The following ITPKC variants were observed in gnomAD, a reference collection of about 807,000 sequenced individuals.
ITPKC encodes the protein IP3 3-kinase C.
ITPKC carries 33 observed loss-of-function variants against 67.1 expected under a neutral mutation model. That is an observed-to-expected ratio of 0.49 (90% confidence interval 0.37 to 0.66). The LOEUF (loss-of-function observed/expected upper bound fraction) is 0.66, where lower values mean the gene tolerates loss of function less well. ITPKC is among the 30% of genes least tolerant of loss of function. The probability of loss-of-function intolerance (pLI) is 0.00; values close to 1 mark genes in which losing one functional copy is unlikely to be tolerated. For missense variants in ITPKC, 820 were observed against 892.1 expected (o/e 0.92, Z 1.03); for synonymous variants, 341 against 359.8 (o/e 0.95, Z 0.59).
At position 40,729,394 on chromosome 19, in the gene ITPKC, T is replaced by A; in HGVS notation, c.1448T>A (p.Met483Lys). The stretch of plus-strand genomic sequence containing the variant: ...GCTGACTTTGAGGGCCCCTCCATTA[T>A]GGACTGCAAGATGGGCAGCAGGTGG... Reference protein sequence around the residue: ...LLADFEGPSIMDCKMGSRTYL... With the variant: ...LLADFEGPSIKDCKMGSRTYL... Residue 483 changes from methionine to lysine, a missense_variant, in exon 3 of 7, where the codon ATG (methionine) becomes AAG (lysine). Physicochemically the swap from Met to Lys is moderately conservative, Grantham distance 95. Transcript: ENST00000263370. 6.2e-7 allele frequency: 1 copy of A among 1,613,258 alleles called. No individual in the cohort carries two copies. The highest frequency in any genetic ancestry group is 8.5e-7 in the Non-Finnish European group (1 of 1,179,720).
chr19:40,735,944 A>G (rs577787248), intron 4 of ITPKC, among the ~76,000 whole-genome samples: 83 of 152,316 alleles, frequency 5.4e-4, no homozygotes, highest in Non-Finnish European at 4.6e-4. Context: ...CGTTTTCCAG[A>G]TGAGGAAACT....
rs2082301079 is a variant in ITPKC at position 40,737,694 on chromosome 19, A to G, written c.1777-4A>G. The G allele has an allele frequency of 2.5e-6, 4 of 1,613,930 alleles. No homozygotes were observed. The highest frequency in any genetic ancestry group is 3.4e-6 in the Non-Finnish European group (4 of 1,179,946). On this transcript the variant is annotated splice_polypyrimidine_tract_variant and splice_region_variant and intron_variant, in intron 5 of 6. Transcript: ENST00000263370. ...CTAACCAAAGAACGCTCCCTGTCAC[A>G]CAGCAAAAGTACGTGGCATGCCTAG...
At position 40,733,219 on chromosome 19, in the gene ITPKC, T is replaced by C. The variant is rs757643494; in HGVS notation, c.1529T>C (p.Met510Thr). The change falls in exon 4 of 7, where the codon ATG becomes ACG. Residue 510 changes from methionine (M) to threonine (T), a missense_variant. This residue lies in a region of ITPKC where 339 missense variants were observed against 422.0 expected (regional missense o/e 0.80). Coordinates refer to ENST00000263370, the MANE Select transcript of ITPKC (RefSeq NM_025194.3). ...GAACGTCCCCGTCCCCGGAAGGACA[T>C]GTATGAGAAGATGGTGGCTGTGGAC... is the stretch of plus-strand genomic sequence containing the variant. ...ARERPRPRKD[M>T]YEKMVAVDPG... 18 of 1,614,156 alleles carry C rather than the reference T, an allele frequency of 1.1e-5. No individual in the cohort carries two copies. Among genetic ancestry groups the C allele is most frequent in the Non-Finnish European group, 1.5e-5 (18 of 1,180,016 alleles).
Position 40,740,712 on chromosome 19 carries a change from A to T in ITPKC, c.*1152A>T. ...CACACTGTCTTCCAGGGCTGAGGAG[A>T]TGCTCTCCTTTTCTACTGACCATCT... On this transcript the variant is annotated 3_prime_UTR_variant, in exon 7 of 7. Coordinates refer to ENST00000263370, the MANE Select transcript of ITPKC (RefSeq NM_025194.3). The T allele has an allele frequency of 2.8e-6, 1 of 360,656 alleles. No homozygotes were observed. Among genetic ancestry groups the T allele is most frequent in the Non-Finnish European group, 5.0e-6 (1 of 201,594 alleles). 22.3% of individuals were successfully genotyped at this position (360,656 alleles called of 1,614,324 possible).
At chr19:40,734,784 T>G (rs113387355) in intron 4 of ITPKC, among the ~76,000 whole-genome samples, 61 of 118,340 alleles carry the variant, frequency 5.2e-4, no homozygotes, top group African/African-American at 1.4e-3. Context: ...AATTGTTGTT[T>G]TTTTTTTTTT....
intron 1 of ITPKC, among the ~76,000 whole-genome samples, chr19:40,721,222 G>A (rs2082220739): frequency 6.6e-6 from 1 of 152,084 alleles, no homozygotes; most frequent in Admixed American, 6.5e-5. Flanking sequence ...GTTCAGAGTG[G>A]TCAGGAGGAT....
intron 2 of ITPKC, among the ~76,000 whole-genome samples, chr19:40,725,861 T>C (rs2082244229): frequency 1.3e-5 from 2 of 152,104 alleles, no homozygotes; most frequent in Non-Finnish European, 2.9e-5. Context: ...CCTAGCACTT[T>C]GGCAGGCCAA....
At chr19:40,724,984 G>A (rs1056239956) in intron 1 of ITPKC, among the ~76,000 whole-genome samples, 1 of 151,184 alleles carries the variant, frequency 6.6e-6, no homozygotes, top group East Asian at 1.9e-4. Context: ...AACTGTGTAT[G>A]TGCAGTGGAA....
At chr19:40,730,053 G>A (rs1327004677) in intron 3 of ITPKC, among the ~76,000 whole-genome samples, 1 of 152,052 alleles carries the variant, frequency 6.6e-6, no homozygotes, top group African/African-American at 2.4e-5. Context: ...TGATTCTCCT[G>A]TGTAAACCAA....
rs758008086 is a variant in ITPKC, at chr19:40,718,279, G to A, written c.1144G>A (p.Asp382Asn). Residue 382 changes from aspartate to asparagine, a missense_variant, in exon 1 of 7, where the codon GAC becomes AAC. This residue lies in a region of ITPKC where 339 missense variants were observed against 422.0 expected (regional missense o/e 0.80). Coordinates refer to ENST00000263370, the MANE Select transcript of ITPKC (RefSeq NM_025194.3). Reference sequence around the variant, plus strand: ...GGGCGGAGGTGCCAGCGATCCCGAGGACAGGTCTGGGGTGAGTGGGACCCA... The same window carrying A: ...GGGCGGAGGTGCCAGCGATCCCGAGAACAGGTCTGGGGTGAGTGGGACCCA... ...AGGGGASDPE[D>N]RSGSKPWKKL... 8.6e-6 allele frequency: 13 copies of A among 1,517,670 alleles called. No individual in the cohort carries two copies. Among genetic ancestry groups the A allele is most frequent in the Non-Finnish European group, 1.1e-5 (13 of 1,138,924 alleles). 94.0% of individuals were successfully genotyped at this position (1,517,670 alleles called of 1,614,324 possible). A position where few individuals can be genotyped will look rare whatever the true frequency, so the allele number is the denominator to read the frequency against.
chr19:40,720,669 G>T (rs760001051), intron 1 of ITPKC, among the ~76,000 whole-genome samples: 1 of 151,948 alleles, frequency 6.6e-6, no homozygotes, highest in African/African-American at 2.4e-5. Context: ...TGGAGCCTCC[G>T]GTCTCCAGGC....
chr19:40,737,674 C>A, intron 5 of ITPKC, 24 bp from the exon 6 acceptor site: 1 of 1,612,030 alleles, frequency 6.2e-7, no homozygotes, highest in Non-Finnish European at 8.5e-7. Context: ...CCATGCTAAC[C>A]AAAGAACGCT....
At chr19:40,731,604 T>TTTG (rs1555763054) in intron 3 of ITPKC, among the ~76,000 whole-genome samples, 3 of 136,428 alleles carry the variant, frequency 2.2e-5, no homozygotes, top group African/African-American at 8.0e-5. Context: ...GGTTTTTTTT[T>TTTG]TTTTTTTTTT....
chr19:40,719,328 C>G (rs1191666815), intron 1 of ITPKC, among the ~76,000 whole-genome samples: 2 of 151,950 alleles, frequency 1.3e-5, no homozygotes, highest in African/African-American at 4.8e-5. Context: ...TGCCCTCTCA[C>G]TTCCTTGGCA....
chr19:40,737,222 C>A, intron 5 of ITPKC, 135 bp downstream of exon 5: 1 of 658,948 alleles, frequency 1.5e-6, no homozygotes, highest in Non-Finnish European at 2.7e-6. Flanking sequence ...CTGAGGTCAG[C>A]TGGTGGCTTG....
chr19:40,718,347 G>A (rs1027095663), intron 1 of ITPKC, 57 bp downstream of exon 1: 5 of 1,475,090 alleles, frequency 3.4e-6, no homozygotes, highest in East Asian at 4.6e-5. Flanking sequence ...TTATTCCTCC[G>A]CCTTTGCTTA....
rs148190307 is a variant in ITPKC at position 40,720,786 on chromosome 19, A to C, written c.1155+2496A>C. On this transcript the variant is annotated intron_variant, in intron 1 of 6. Coordinates refer to ENST00000263370, the MANE Select transcript of ITPKC (RefSeq NM_025194.3). Reference sequence around the variant, plus strand: ...CTCTTCTGTTGTCCTGCCTCCACGCATTGCTCAAGCCGTTCCCACTGCCCA... The same window carrying C: ...CTCTTCTGTTGTCCTGCCTCCACGCCTTGCTCAAGCCGTTCCCACTGCCCA... Among the ~76,000 whole-genome samples, 1,428 of 152,112 alleles carry C rather than the reference A, an allele frequency of 9.4e-3. 11 individuals carry two copies. The highest frequency in any genetic ancestry group is 0.013 in the Non-Finnish European group (905 of 67,982).
chr19:40,730,355 A>G (rs533351830), intron 3 of ITPKC, among the ~76,000 whole-genome samples: 1 of 152,292 alleles, frequency 6.6e-6, no homozygotes, highest in South Asian at 2.1e-4. Flanking sequence ...ACAGACACAC[A>G]CATAGTCTTC....
In ITPKC at chr19:40,717,239, G is replaced by GGCA. The variant is rs2082193334; in HGVS notation, c.107_109dup (p.Gln36dup). 2 of 1,237,414 alleles carry GGCA rather than the reference G, an allele frequency of 1.6e-6. No individual in the cohort carries two copies. Among genetic ancestry groups the GGCA allele is most frequent in the Admixed American group, 4.3e-5 (1 of 23,180 alleles). The allele number at this position is 1,237,414 out of a possible 1,614,324, so 76.7% of individuals were successfully genotyped here. On this transcript the variant is annotated inframe_insertion, in exon 1 of 7. Coordinates refer to ENST00000263370, the MANE Select transcript of ITPKC (RefSeq NM_025194.3). Reference sequence around the variant, plus strand: ...GAGGCGCCGCGAGGAGGGCGGCGGCGGCAGCCGGGACAGCAGCGACCTGGG... The same window carrying GGCA: ...GAGGCGCCGCGAGGAGGGCGGCGGCGGCAGCAGCCGGGACAGCAGCGACCTGGG...
Sources: allele counts gnomAD v4.1 joint callset (sites outside exome capture counted in the v4.1 genomes callset), GRCh38; gene constraint gnomAD v4.1.1; regional missense constraint gnomAD v4.1.1; transcripts MANE v1.5; gene names NCBI Gene and HGNC (gene_info 2026-07-23, HGNC 2026-07-21).